Variants in DNER observed in about 807,000 individuals in gnomAD.
DNER encodes delta and Notch-like epidermal growth factor-related receptor.
In DNER, 33 loss-of-function variants were observed where a neutral mutation model predicts 78.2. The observed-to-expected ratio is 0.42, with a 90% CI of 0.32 to 0.56. The LOEUF (loss-of-function observed/expected upper bound fraction) is 0.56. DNER is among the 20% of genes least tolerant of loss of function. DNER has a pLI of 0.11. For missense variants in DNER, 918 were observed against 975.3 expected, an observed-to-expected ratio of 0.94 and a Z score of 0.78; for synonymous variants, 417 against 384.8, an observed-to-expected ratio of 1.08 and a Z score of -0.98.
intron 8 of DNER, among the ~76,000 whole-genome samples, chr2:229,418,908 C>A (rs1693706384): frequency 8.2e-6 from 1 of 122,246 alleles, no homozygotes; most frequent in Non-Finnish European, 1.7e-5. Flanking sequence ...GCGACAAGAG[C>A]AAAACTCCAT....
At chr2:229,693,020 A>T (rs1699606629) in intron 1 of DNER, among the ~76,000 whole-genome samples, 1 of 151,980 alleles carries the variant, frequency 6.6e-6, no homozygotes, top group African/African-American at 2.4e-5. Context: ...CCAGTCTGAT[A>T]TGGTTTGGTT....
chr2:229,407,246 G>A lies in DNER; in HGVS notation c.1709C>T (p.Ala570Val). The A allele has an allele frequency of 1.2e-6, 2 of 1,612,288 alleles. No homozygotes were observed. The highest frequency in any genetic ancestry group is 1.7e-5 in the Admixed American group (1 of 59,990). Residue 570 changes from alanine to valine, a missense_variant, in exon 10 of 13, where the codon GCA (alanine) becomes GTA (valine). Physicochemically the swap from Ala to Val is moderately conservative, Grantham distance 64. Coordinates refer to ENST00000341772, the MANE Select transcript of DNER (RefSeq NM_139072.4). ...GAATCACTTGCCTGTAAACCCGGGT[G>A]CACAGATGCACGTGCCATTCAGGCC... ...SDGLNGTCIC[A>V]PGFTGEECDI...
At chr2:229,493,947 A>G (rs1695453651) in intron 6 of DNER, among the ~76,000 whole-genome samples, 1 of 152,178 alleles carries the variant, frequency 6.6e-6, no homozygotes, top group Non-Finnish European at 1.5e-5. Context: ...AAGGGTCTAG[A>G]TTCCAGGGCA....
intron 11 of DNER, among the ~76,000 whole-genome samples, chr2:229,387,893 T>TGTGTGTGTGTGTGTGTGTGTG (rs3222719): frequency 2.8e-5 from 2 of 71,960 alleles, no homozygotes; most frequent in African/African-American, 8.3e-5. Context: ...GTGTGTGTGT[T>TGTGTGTGTGTGTGTGTGTGTG]TTTTAATTTT....
At chr2:229,558,693 G>A (rs1696899158) in intron 4 of DNER, among the ~76,000 whole-genome samples, 1 of 152,164 alleles carries the variant, frequency 6.6e-6, no homozygotes. Context: ...GGAGAGCAGT[G>A]TAGGATGGAG....
intron 1 of DNER, among the ~76,000 whole-genome samples, chr2:229,635,361 G>A (rs867025523): frequency 3.1e-4 from 27 of 85,876 alleles, no homozygotes; most frequent in African/African-American, 5.6e-4. Flanking sequence ...GGTCCCACAG[G>A]AAAAAAAAAA....
At chr2:229,596,215 T>C (rs1697711706) in intron 1 of DNER, among the ~76,000 whole-genome samples, 1 of 152,186 alleles carries the variant, frequency 6.6e-6, no homozygotes, top group Non-Finnish European at 1.5e-5. Context: ...TGAATGATGT[T>C]ATATACACGC....
At chr2:229,583,177 T>C (rs1385723397) in intron 4 of DNER, among the ~76,000 whole-genome samples, 2 of 152,322 alleles carry the variant, frequency 1.3e-5, no homozygotes, top group East Asian at 1.9e-4. Flanking sequence ...TCAAAAGTAG[T>C]ATAAAATATG....
At chr2:229,615,480 CG>C (rs1698137594) in intron 1 of DNER, among the ~76,000 whole-genome samples, 1 of 151,386 alleles carries the variant, frequency 6.6e-6, no homozygotes, top group African/African-American at 2.4e-5. Context: ...GAGGCCGAGG[CG>C]GGTGGATCAC....
At chr2:229,517,567 T>G (rs1439021337) in intron 5 of DNER, among the ~76,000 whole-genome samples, 1 of 152,168 alleles carries the variant, frequency 6.6e-6, no homozygotes, top group Admixed American at 6.5e-5. Context: ...CCTCACATGT[T>G]CAGGAAAGAT....
chr2:229,687,392 T>C (rs1162750205), intron 1 of DNER, among the ~76,000 whole-genome samples: 1 of 151,670 alleles, frequency 6.6e-6, no homozygotes, highest in African/African-American at 2.4e-5. Flanking sequence ...GCCTCCTGAG[T>C]AGCTGGGACT....
intron 3 of DNER, among the ~76,000 whole-genome samples, chr2:229,587,526 G>A (rs1346629919): frequency 6.6e-6 from 1 of 152,246 alleles, no homozygotes; most frequent in Non-Finnish European, 1.5e-5. Context: ...ATGGATACAT[G>A]GAAGAGACCT....
At chr2:229,359,809 A>T (rs915486524) in intron 12 of DNER, among the ~76,000 whole-genome samples, 1 of 152,212 alleles carries the variant, frequency 6.6e-6, no homozygotes, top group Non-Finnish European at 1.5e-5. Context: ...AACAGTCATC[A>T]ATCTTGTATT....
chr2:229,557,221 T>C (rs1696869356), intron 4 of DNER, among the ~76,000 whole-genome samples: 1 of 152,144 alleles, frequency 6.6e-6, no homozygotes, highest in Non-Finnish European at 1.5e-5. Context: ...CCAGTGTGAG[T>C]TCTTTGACAC....
intron 12 of DNER, among the ~76,000 whole-genome samples, chr2:229,361,985 C>A (rs1692228065): frequency 6.6e-6 from 1 of 152,102 alleles, no homozygotes; most frequent in African/African-American, 2.4e-5. Flanking sequence ...CACGACATGA[C>A]CACAGACCAT....
intron 1 of DNER, among the ~76,000 whole-genome samples, chr2:229,627,399 A>G (rs1490757657): frequency 1.3e-5 from 2 of 152,256 alleles, no homozygotes; most frequent in African/African-American, 4.8e-5. Flanking sequence ...GACATAACAG[A>G]TTTCAATTAA....
chr2:229,514,867 T>A (rs768046356), intron 5 of DNER, among the ~76,000 whole-genome samples: 13 of 152,202 alleles, frequency 8.5e-5, no homozygotes, highest in Non-Finnish European at 1.6e-4. Context: ...TCGACCAAAC[T>A]GCCAAATTGT....
intron 7 of DNER, among the ~76,000 whole-genome samples, chr2:229,448,644 C>A (rs1281026069): frequency 6.6e-6 from 1 of 152,052 alleles, no homozygotes; most frequent in African/African-American, 2.4e-5. Flanking sequence ...TTCAGTATTT[C>A]TTGTTAAAAA....
chr2:229,420,206 A>G (rs757142453), intron 8 of DNER, among the ~76,000 whole-genome samples: 1 of 152,038 alleles, frequency 6.6e-6, no homozygotes, highest in Non-Finnish European at 1.5e-5. Flanking sequence ...TGCAACAGAG[A>G]CCATATGGCC....
Sources: gnomAD v4.1 joint callset for allele counts (sites outside exome capture counted in the v4.1 genomes callset) on GRCh38, gnomAD v4.1.1 for gene constraint, MANE v1.5 for transcripts, NCBI Gene and HGNC (gene_info 2026-07-23, HGNC 2026-07-21) for gene names.